Variants in PTBP2 observed in about 807,000 individuals in gnomAD.
PTBP2 encodes polypyrimidine tract binding protein 2.
In PTBP2, 13 loss-of-function variants were observed where a neutral mutation model predicts 61.4. The observed-to-expected ratio is 0.21, with a 90% confidence interval of 0.14 to 0.34. The LOEUF is 0.34. Ranked by LOEUF, PTBP2 falls within the 10% of genes least tolerant of loss-of-function variation. The probability of loss-of-function intolerance (pLI) is 1.00; values close to 1 mark genes in which losing one functional copy is unlikely to be tolerated. For missense variants in PTBP2, 405 were observed against 642.6 expected (o/e 0.63, Z 4.00); for synonymous variants, 215 against 218.5 (o/e 0.98, Z 0.14).
At chr1:96,731,002 G>A (rs1011979327) in intron 2 of PTBP2, among the ~76,000 whole-genome samples, 2 of 152,094 alleles carry the variant, frequency 1.3e-5, no homozygotes, top group Non-Finnish European at 2.9e-5. Context: ...GGAAGTAGAA[G>A]TCCACTGTTT....
At chr1:96,806,554 T>A in intron 10 of PTBP2, 102 bp downstream of exon 10, 1 of 1,288,424 alleles carries the variant, frequency 7.8e-7, no homozygotes, top group Non-Finnish European at 1.1e-6. Flanking sequence ...GAATAGTAAA[T>A]CTTTTGCTAT....
intron 8 of PTBP2, among the ~76,000 whole-genome samples, chr1:96,791,826 CTTTTTTTT>C (rs1163642886): frequency 1.5e-5 from 1 of 66,128 alleles, no homozygotes; most frequent in African/African-American, 8.2e-5. Context: ...TGGAGTTGTG[CTTTTTTTT>C]TTTTTTTTTT....
At chr1:96,754,768 C>T (rs1389063335) in intron 3 of PTBP2, among the ~76,000 whole-genome samples, 1 of 152,072 alleles carries the variant, frequency 6.6e-6, no homozygotes, top group Admixed American at 6.6e-5. Context: ...AAGTAGACTT[C>T]CAACAAAGGG....
chr1:96,790,306 G>T (rs1659657029), intron 8 of PTBP2, among the ~76,000 whole-genome samples: 4 of 146,024 alleles, frequency 2.7e-5, no homozygotes, highest in Admixed American at 2.1e-4. Flanking sequence ...GCTTCCTATT[G>T]TGTCTCAGTA....
chr1:96,742,201 A>G (rs1369065721), intron 2 of PTBP2, among the ~76,000 whole-genome samples: 1 of 152,218 alleles, frequency 6.6e-6, no homozygotes, highest in Non-Finnish European at 1.5e-5. Flanking sequence ...GCAGAGAACT[A>G]TAACATTTCT....
Position 96,762,419 on chromosome 1 carries a change from G to C in PTBP2, c.116-7284G>C, listed in dbSNP as rs868213919. ...GGCTGACCCCCCCACCTCCCTCCCG[G>C]ATGGGGCAGCTGGCCGGGCGGGGGG... On this transcript the variant is annotated intron_variant, in intron 3 of 13. Coordinates refer to ENST00000674951, the MANE Select transcript of PTBP2 (RefSeq NM_021190.4). 3.3e-5 allele frequency among the ~76,000 whole-genome samples: 5 copies of C among 149,606 alleles called. No individual in the cohort carries two copies. In the South Asian group the frequency reaches 6.3e-4, roughly 19 times the overall value.
downstream of PTBP2, chr1:96,817,231 C>G (rs1273356206): frequency 2.6e-5 from 4 of 152,054 alleles, no homozygotes; most frequent in African/African-American, 4.8e-5. Context: ...TCATGAGCAG[C>G]TCTGAACTTC....
chr1:96,762,422 G>A (rs1220996260), intron 3 of PTBP2, among the ~76,000 whole-genome samples: 1 of 149,086 alleles, frequency 6.7e-6, no homozygotes, highest in Non-Finnish European at 1.5e-5. Context: ...CCTCCCGGAT[G>A]GGGCAGCTGG....
At chr1:96,783,867 A>C (rs530742827) in intron 7 of PTBP2, among the ~76,000 whole-genome samples, 1 of 152,174 alleles carries the variant, frequency 6.6e-6, no homozygotes, top group African/African-American at 2.4e-5. Flanking sequence ...CCTAACCCAA[A>C]TGTAATTCAA....
intron 8 of PTBP2, 77 bp from the exon 9 acceptor site, chr1:96,804,723 T>G: frequency 7.1e-7 from 1 of 1,417,666 alleles, no homozygotes; most frequent in Non-Finnish European, 9.6e-7. Context: ...CCATCGTGCT[T>G]AAATTGGTTT....
At chr1:96,797,722 C>T (rs544446234) in intron 8 of PTBP2, among the ~76,000 whole-genome samples, 79 of 152,206 alleles carry the variant, frequency 5.2e-4, no homozygotes, top group African/African-American at 1.8e-3. Flanking sequence ...TACTTTAAAT[C>T]ATCTCTAGAT....
At chr1:96,737,721 GT>G (rs1262358627) in intron 2 of PTBP2, among the ~76,000 whole-genome samples, 2 of 152,162 alleles carry the variant, frequency 1.3e-5, no homozygotes, top group African/African-American at 4.8e-5. Context: ...AATTTAAAAA[GT>G]AGTTTTTGAC....
intron 11 of PTBP2, among the ~76,000 whole-genome samples, chr1:96,809,228 A>C (rs1571032005): frequency 6.6e-6 from 1 of 152,296 alleles, no homozygotes; most frequent in South Asian, 2.1e-4. Flanking sequence ...ACTGACCAAA[A>C]AAAGACAAAA....
rs1002493142 is a variant in PTBP2 at position 96,775,963 on chromosome 1, T to TTA, written c.433-1612_433-1611dup. Among the ~76,000 whole-genome samples the TTA allele has an allele frequency of 1.1e-4, 16 of 151,896 alleles. No homozygotes were observed. The South Asian group carries it at 1.9e-3, about 18-fold the overall frequency. On this transcript the variant is annotated intron_variant, in intron 5 of 13. Transcript: ENST00000674951. ...AAAAAATACAGACTAAGTATAATATTTATATATATATGCTTGTAGATGTAG... is the reference window on the plus strand; with the variant it reads ...AAAAAATACAGACTAAGTATAATATTTATATATATATATGCTTGTAGATGTAG...
intron 8 of PTBP2, among the ~76,000 whole-genome samples, chr1:96,789,262 A>G (rs183613052): frequency 7.2e-5 from 11 of 152,226 alleles, no homozygotes; most frequent in Admixed American, 5.2e-4. Context: ...GGCAAAGCAG[A>G]CTTTCTGTAG....
intron 1 of PTBP2, among the ~76,000 whole-genome samples, chr1:96,722,670 CAA>C (rs1360563113): frequency 3.9e-5 from 6 of 152,172 alleles, no homozygotes; most frequent in Non-Finnish European, 7.3e-5. Flanking sequence ...ATGGCAGAAA[CAA>C]GAGCAGATAG....
intron 2 of PTBP2, among the ~76,000 whole-genome samples, chr1:96,733,303 T>G (rs1399601974): frequency 6.6e-6 from 1 of 150,652 alleles, no homozygotes; most frequent in Non-Finnish European, 1.5e-5. Context: ...GTGATTACAA[T>G]GGGCCCAACT....
At chr1:96,801,861 CAAA>C (rs397861502) in intron 8 of PTBP2, among the ~76,000 whole-genome samples, 5 of 75,510 alleles carry the variant, frequency 6.6e-5, no homozygotes, top group African/African-American at 1.3e-4. Context: ...GACTCCATCT[CAAA>C]AAAAAAAAAA....
chr1:96,761,938 A>T (rs1476846492), intron 3 of PTBP2, among the ~76,000 whole-genome samples: 1 of 151,478 alleles, frequency 6.6e-6, no homozygotes, highest in African/African-American at 2.4e-5. Flanking sequence ...AGTGGTGATG[A>T]CTCTTAACGA....
Sources: allele counts gnomAD v4.1 joint callset (sites outside exome capture counted in the v4.1 genomes callset), GRCh38; gene constraint gnomAD v4.1.1; transcripts MANE v1.5; gene names NCBI Gene and HGNC (gene_info 2026-07-23, HGNC 2026-07-21).